CNTNAP2: variants seen among roughly 807,000 people sequenced by gnomAD.
The protein encoded by CNTNAP2 is contactin-associated protein-like 2.
A neutral mutation model predicts 155.2 loss-of-function variants in CNTNAP2; 98 were observed. That is an observed-to-expected ratio of 0.63 (90% CI 0.54 to 0.75). CNTNAP2 has a LOEUF of 0.75. Among genes scored for constraint, CNTNAP2 ranks in the 30% least tolerant of loss-of-function variants. CNTNAP2 has a pLI of 0.00. For synonymous variants in CNTNAP2, 651 were observed against 631.2 expected, an observed-to-expected ratio of 1.03 and a Z score of -0.47; for missense variants, 1,727 against 1,688.1, an observed-to-expected ratio of 1.02 and a Z score of -0.40.
At chr7:147,593,687 A>T (rs1272012062) in intron 12 of CNTNAP2, among the ~76,000 whole-genome samples, 2 of 152,210 alleles carry the variant, frequency 1.3e-5, no homozygotes, top group Non-Finnish European at 2.9e-5. Context: ...GTTGTCATTT[A>T]TCCTACAGGT....
chr7:148,107,805 A>G (rs1375564631), intron 15 of CNTNAP2, among the ~76,000 whole-genome samples: 1 of 152,240 alleles, frequency 6.6e-6, no homozygotes, highest in East Asian at 1.9e-4. Flanking sequence ...CAGAGTAATT[A>G]GTCTCTTCAG....
chr7:147,676,467 G>A (rs920985000), intron 13 of CNTNAP2, among the ~76,000 whole-genome samples: 5 of 151,900 alleles, frequency 3.3e-5, no homozygotes, highest in Non-Finnish European at 5.9e-5. Flanking sequence ...GAATGACTAG[G>A]TCTAGGTAAC....
chr7:146,542,818 C>A (rs1797971294), intron 1 of CNTNAP2, among the ~76,000 whole-genome samples: 1 of 151,862 alleles, frequency 6.6e-6, no homozygotes, highest in Non-Finnish European at 1.5e-5. Context: ...TGTATTAAGT[C>A]AAACTTTCTC....
intron 1 of CNTNAP2, among the ~76,000 whole-genome samples, chr7:146,474,044 C>G (rs1796837777): frequency 6.6e-6 from 1 of 152,078 alleles, no homozygotes; most frequent in East Asian, 1.9e-4. Flanking sequence ...AAAACCCTCT[C>G]TACTCTCTAA....
At chr7:146,182,729 C>A (rs1194743439) in intron 1 of CNTNAP2, among the ~76,000 whole-genome samples, 1 of 152,174 alleles carries the variant, frequency 6.6e-6, no homozygotes, top group African/African-American at 2.4e-5. Context: ...CCAAATCTAA[C>A]TTCATTCTGT....
intron 1 of CNTNAP2, among the ~76,000 whole-genome samples, chr7:146,552,287 CTG>C (rs1295552012): frequency 6.6e-6 from 1 of 152,102 alleles, no homozygotes; most frequent in Non-Finnish European, 1.5e-5. Context: ...AATTCCCCAC[CTG>C]CAACAGTTCC....
chr7:148,158,462 C>G (rs1805448052), intron 17 of CNTNAP2, among the ~76,000 whole-genome samples: 1 of 152,108 alleles, frequency 6.6e-6, no homozygotes, highest in Non-Finnish European at 1.5e-5. Context: ...AGCTCATGAT[C>G]CGCTGGCCTC....
At position 147,243,635 on chromosome 7, in the gene CNTNAP2, G is replaced by A. The variant is rs144756892; in HGVS notation, c.1349-56506G>A. Among the ~76,000 whole-genome samples, 75 of 152,272 alleles carry A rather than the reference G, an allele frequency of 4.9e-4. No individual in the cohort carries two copies. The East Asian group carries it at 0.014, about 28-fold the overall frequency. On this transcript the variant is annotated intron_variant, in intron 8 of 23. Coordinates refer to ENST00000361727, the MANE Select transcript of CNTNAP2 (RefSeq NM_014141.6). ...TTGCTTATGTTCTGATTTTTCATCA[G>A]TGTCCTGGTCATTGCTTAACAATGC... is the stretch of plus-strand genomic sequence containing the variant.
At position 147,452,055 on chromosome 7, in the gene CNTNAP2, T is replaced by G. The variant is rs1371281121; in HGVS notation, c.1671-33880T>G. Among the ~76,000 whole-genome samples, 3 of 152,194 alleles carry G rather than the reference T, an allele frequency of 2.0e-5. No homozygotes were observed. The East Asian group carries it at 5.8e-4, about 29-fold the overall frequency. On this transcript the variant is annotated intron_variant, in intron 10 of 23. Coordinates refer to ENST00000361727, the MANE Select transcript of CNTNAP2 (RefSeq NM_014141.6). ...TCCATCTATTACAAATTACCCCGAA[T>G]CAGGTATTCTGTTATAGCAGCAGAA...
intron 1 of CNTNAP2, among the ~76,000 whole-genome samples, chr7:146,185,476 G>T (rs1207674978): frequency 6.6e-6 from 1 of 152,134 alleles, no homozygotes; most frequent in Non-Finnish European, 1.5e-5. Flanking sequence ...ACACACAAAT[G>T]CTGGCTCTGA....
At chr7:146,694,147 C>T (rs2129172118) in intron 1 of CNTNAP2, among the ~76,000 whole-genome samples, 1 of 152,166 alleles carries the variant, frequency 6.6e-6, no homozygotes, top group Admixed American at 6.5e-5. Context: ...AAGTGATGAA[C>T]TGAGAGAAGC....
chr7:148,301,739 A>C (rs1469020263), intron 21 of CNTNAP2, among the ~76,000 whole-genome samples: 1 of 152,188 alleles, frequency 6.6e-6, no homozygotes, highest in Non-Finnish European at 1.5e-5. Flanking sequence ...GGATGGCCTT[A>C]ACAAAGGTGA....
chr7:146,684,272 G>A (rs915448846), intron 1 of CNTNAP2, among the ~76,000 whole-genome samples: 3 of 152,158 alleles, frequency 2.0e-5, no homozygotes, highest in African/African-American at 4.8e-5. Context: ...AAGAACTCAC[G>A]AGGAAGTGTC....
Position 147,346,356 on chromosome 7 carries a change from T to G in CNTNAP2, c.1498+46066T>G, listed in dbSNP as rs1009222534. ...TTTTTAGTAGAGACGGGGTTTCACC[T>G]TGTTAGCCAGGATGGTCTCGATCTC... is the stretch of plus-strand genomic sequence containing the variant. On this transcript the variant is annotated intron_variant, in intron 9 of 23. Coordinates refer to ENST00000361727, the MANE Select transcript of CNTNAP2 (RefSeq NM_014141.6). Among the ~76,000 whole-genome samples, 4 of 151,304 alleles carry G rather than the reference T, an allele frequency of 2.6e-5. No individual in the cohort carries two copies. In the East Asian group the frequency reaches 7.8e-4, roughly 30 times the overall value.
chr7:147,296,416 C>G (rs1805445334), intron 8 of CNTNAP2, among the ~76,000 whole-genome samples: 1 of 152,148 alleles, frequency 6.6e-6, no homozygotes, highest in African/African-American at 2.4e-5. Context: ...GCTTGACTGA[C>G]AGTTAACTTC....
intron 1 of CNTNAP2, among the ~76,000 whole-genome samples, chr7:146,362,692 A>G (rs1465276858): frequency 6.6e-6 from 1 of 151,936 alleles, no homozygotes; most frequent in Non-Finnish European, 1.5e-5. Context: ...TAGTGGAGGA[A>G]GGGTTTTAGG....
At chr7:146,695,979 G>C (rs2129172356) in intron 1 of CNTNAP2, among the ~76,000 whole-genome samples, 1 of 152,262 alleles carries the variant, frequency 6.6e-6, no homozygotes, top group South Asian at 2.1e-4. Flanking sequence ...TTATGTTCAT[G>C]AGAGATATTA....
chr7:147,526,904 C>T (rs1050630038), intron 11 of CNTNAP2, among the ~76,000 whole-genome samples: 5 of 151,006 alleles, frequency 3.3e-5, no homozygotes, highest in African/African-American at 7.3e-5. Flanking sequence ...CTATAAGCCA[C>T]GGATTAAGTT....
chr7:147,514,986 A>G (rs1584784026), intron 11 of CNTNAP2, among the ~76,000 whole-genome samples: 2 of 152,202 alleles, frequency 1.3e-5, no homozygotes, highest in Admixed American at 6.5e-5. Flanking sequence ...GTTAAAAACA[A>G]CAGCCTCCAA....
Sources: allele counts gnomAD v4.1 joint callset (sites outside exome capture counted in the v4.1 genomes callset), GRCh38; gene constraint gnomAD v4.1.1; transcripts MANE v1.5; gene names NCBI Gene and HGNC (gene_info 2026-07-23, HGNC 2026-07-21).